Variants in NDUFA8 observed in about 807,000 individuals in gnomAD.
The protein encoded by NDUFA8 is NADH dehydrogenase [ubiquinone] 1 alpha subcomplex subunit 8.
A neutral mutation model predicts 20.9 loss-of-function variants in NDUFA8; 16 were observed. That is an observed-to-expected ratio of 0.77 (90% CI 0.52 to 1.16). NDUFA8 has a LOEUF of 1.16. NDUFA8 is among the 50% of genes most tolerant of loss of function. The probability of loss-of-function intolerance (pLI) is 0.00; values close to 1 mark genes in which losing one functional copy is unlikely to be tolerated. For missense variants in NDUFA8, 202 were observed against 216.4 expected, an observed-to-expected ratio of 0.93 and a Z score of 0.42; for synonymous variants, 70 against 76.1, an observed-to-expected ratio of 0.92 and a Z score of 0.41.
rs374038978 is a variant in NDUFA8 at position 122,159,585 on chromosome 9, G to A, written c.51+42C>T. On this transcript the variant is annotated intron_variant, in intron 1 of 3. Coordinates refer to ENST00000373768, the MANE Select transcript of NDUFA8 (RefSeq NM_014222.3). ...GGGCTAGGCCCAGGCCCGAGAAGCCGCAGCCCCATGTCTCCCTTGCCTGTC... is the reference window on the plus strand; with the variant it reads ...GGGCTAGGCCCAGGCCCGAGAAGCCACAGCCCCATGTCTCCCTTGCCTGTC... 1.2e-5 allele frequency: 19 copies of A among 1,611,466 alleles called. No homozygotes were observed. The East Asian group carries it at 1.3e-4, about 11-fold the overall frequency.
intron 2 of NDUFA8, among the ~76,000 whole-genome samples, chr9:122,151,184 C>A (rs143844544): frequency 4.1e-4 from 62 of 152,156 alleles, no homozygotes; most frequent in African/African-American, 1.4e-3. Context: ...TTTTCTCTAA[C>A]TTCATTGTAG....
chr9:122,143,063 G>A (rs1217085067), downstream of NDUFA8, among the ~76,000 whole-genome samples: 3 of 152,174 alleles, frequency 2.0e-5, no homozygotes, highest in African/African-American at 7.2e-5. Context: ...GTGCAGAAGC[G>A]GCCATGGCAG....
chr9:122,142,712 GA>G (rs1828841199), downstream of NDUFA8, among the ~76,000 whole-genome samples: 1 of 152,162 alleles, frequency 6.6e-6, no homozygotes, highest in Non-Finnish European at 1.5e-5. Flanking sequence ...TGAAGGAGGT[GA>G]AACATGTAAA....
downstream of NDUFA8, chr9:122,143,975 G>A (rs944954620): frequency 7.9e-6 from 8 of 1,016,836 alleles, no homozygotes; most frequent in African/African-American, 5.0e-5. Flanking sequence ...AAGAGGAACA[G>A]GCAGGACCAC....
At chr9:122,151,502 C>A (rs141502871) in intron 2 of NDUFA8, among the ~76,000 whole-genome samples, 1 of 152,228 alleles carries the variant, frequency 6.6e-6, no homozygotes, top group Non-Finnish European at 1.5e-5. Flanking sequence ...AGAACAGCAA[C>A]TCGAGTGGCT....
At position 122,144,182 on chromosome 9, in the gene NDUFA8, G is replaced by T; in HGVS notation, c.*59C>A. On this transcript the variant is annotated 3_prime_UTR_variant, in exon 4 of 4. Transcript: ENST00000373768. ...CACTATCAGTCGATGCAAACCGCAT[G>T]GGCGTTTTCATCAGTCGTTGTCTGA... 6.2e-7 allele frequency: 1 copy of T among 1,612,074 alleles called. No individual in the cohort carries two copies. The highest frequency in any genetic ancestry group is 2.1e-4 in the Middle Eastern group (1 of 4,680).
the NDUFA8 span, chr9:122,132,959 C>G: frequency 2.0e-5 from 9 of 455,974 alleles, no homozygotes; most frequent in South Asian, 1.4e-4. Flanking sequence ...CTCTCCAGTC[C>G]TTGGGAAAGT....
chr9:122,132,523 G>A, the NDUFA8 span, among the ~76,000 whole-genome samples: 2 of 152,250 alleles, frequency 1.3e-5, no homozygotes, highest in South Asian at 4.1e-4. Context: ...GGAGGTGGGG[G>A]CGCCTCCTAA....
chr9:122,157,405 G>C (rs955816291), intron 1 of NDUFA8, among the ~76,000 whole-genome samples: 3 of 152,190 alleles, frequency 2.0e-5, no homozygotes, highest in Admixed American at 6.5e-5. Context: ...GTGACCGGCA[G>C]GTAGGCCTAG....
At chr9:122,147,496 C>A (rs1016901053) in intron 3 of NDUFA8, among the ~76,000 whole-genome samples, 2 of 152,168 alleles carry the variant, frequency 1.3e-5, no homozygotes, top group Non-Finnish European at 2.9e-5. Flanking sequence ...TCCACAATAA[C>A]CTCCACAATG....
intron 1 of NDUFA8, among the ~76,000 whole-genome samples, chr9:122,158,715 T>C (rs1366269510): frequency 1.3e-5 from 2 of 149,248 alleles, no homozygotes; most frequent in African/African-American, 2.5e-5. Flanking sequence ...ATATGGTATA[T>C]ACATATATAT....
chr9:122,144,401 A>G (rs1276568043), intron 3 of NDUFA8, 23 bp from the exon 4 acceptor site: 1 of 1,609,938 alleles, frequency 6.2e-7, no homozygotes, highest in Non-Finnish European at 8.5e-7. Flanking sequence ...AAGAGGGCAA[A>G]AGCAAAGTTG....
At chr9:122,132,519 G>A in the NDUFA8 span, among the ~76,000 whole-genome samples, 31 of 152,102 alleles carry the variant, frequency 2.0e-4, no homozygotes, top group African/African-American at 7.2e-4. Context: ...CTGGGGAGGT[G>A]GGGGCGCCTC....
chr9:122,153,991 G>A (rs1829040842), intron 1 of NDUFA8, among the ~76,000 whole-genome samples: 2 of 152,134 alleles, frequency 1.3e-5, no homozygotes. Context: ...AGACATACTT[G>A]TTCTTTCCTC....
At chr9:122,138,868 G>T in the NDUFA8 span, among the ~76,000 whole-genome samples, 1 of 143,360 alleles carries the variant, frequency 7.0e-6, no homozygotes, top group East Asian at 2.2e-4. Context: ...GAAGAGGTGG[G>T]GGGGGGGCCA....
chr9:122,139,836 G>A (rs1032386472), downstream of NDUFA8, among the ~76,000 whole-genome samples: 5 of 152,140 alleles, frequency 3.3e-5, no homozygotes, highest in African/African-American at 1.2e-4. Flanking sequence ...TGGGATTACA[G>A]GTACGTACCA....
Position 122,144,129 on chromosome 9 carries a change from G to T in NDUFA8, c.*112C>A. 2 of 1,574,330 alleles carry T rather than the reference G, an allele frequency of 1.3e-6. No homozygotes were observed. Among genetic ancestry groups the T allele is most frequent in the Admixed American group, 3.7e-5 (2 of 54,130 alleles). ...CCAAGTCACATAAGTTAACTTTTTT[G>T]TTAATGTTTGTGATCCCGGAAAGAA... On this transcript the variant is annotated 3_prime_UTR_variant, in exon 4 of 4. Transcript: ENST00000373768.
At chr9:122,159,310 G>A (rs1261186915) in intron 1 of NDUFA8, among the ~76,000 whole-genome samples, 2 of 152,300 alleles carry the variant, frequency 1.3e-5, no homozygotes, top group Non-Finnish European at 2.9e-5. Context: ...AGGATTAAGC[G>A]ACATAAGCTA....
chr9:122,132,813 A>G, the NDUFA8 span, among the ~76,000 whole-genome samples: 2 of 152,016 alleles, frequency 1.3e-5, no homozygotes, highest in African/African-American at 4.8e-5. Flanking sequence ...CATGGCACAG[A>G]CCTCTCCCAC....
Sources: allele counts gnomAD v4.1 joint callset (sites outside exome capture counted in the v4.1 genomes callset), GRCh38; gene constraint gnomAD v4.1.1; transcripts MANE v1.5; gene names NCBI Gene and HGNC (gene_info 2026-07-23, HGNC 2026-07-21).